The following TENM4 variants were observed in gnomAD, a reference collection of about 807,000 sequenced individuals.
TENM4 encodes teneurin transmembrane protein 4.
In TENM4, 82 loss-of-function variants were observed where a neutral mutation model predicts 243.3. The observed-to-expected ratio is 0.34, with a 90% CI of 0.28 to 0.40. The LOEUF (loss-of-function observed/expected upper bound fraction) is 0.40. Among genes scored for constraint, TENM4 ranks in the 10% least tolerant of loss-of-function variants. The pLI is 1.00. For missense variants in TENM4, 3,138 were observed against 3,673.3 expected (o/e 0.85, Z 3.77); for synonymous variants, 1,412 against 1,456.3 (o/e 0.97, Z 0.69).
chr11:78,688,363 A>G, intron 28 of TENM4, 137 bp from the exon 29 acceptor site: 2 of 955,394 alleles, frequency 2.1e-6, no homozygotes, highest in Non-Finnish European at 1.6e-6. Flanking sequence ...TGTCTCCCAC[A>G]TATCTTGCAC....
In TENM4 at chr11:79,246,050, C is replaced by T. The variant is rs372802227; in HGVS notation, c.-264-30141G>A. ...AAAAGAGAGAGAGAAAGACAAACAG[C>T]GCAAGTGGTAACGTCCTCATATAAT... On this transcript the variant is annotated intron_variant, in intron 2 of 33. Coordinates refer to ENST00000278550, the MANE Select transcript of TENM4 (RefSeq NM_001098816.3). Among the ~76,000 whole-genome samples, 760 of 151,036 alleles carry T rather than the reference C, an allele frequency of 5.0e-3. 8 individuals are homozygous for T. The highest frequency in any genetic ancestry group is 0.023 in the South Asian group (112 of 4,780).
intron 6 of TENM4, among the ~76,000 whole-genome samples, chr11:78,995,335 G>A (rs1051611180): frequency 6.6e-6 from 1 of 152,136 alleles, no homozygotes; most frequent in Non-Finnish European, 1.5e-5. Context: ...TGAGGGCAAT[G>A]GGGGAGCCAT....
chr11:79,098,267 G>T (rs1435195959), intron 4 of TENM4, among the ~76,000 whole-genome samples: 2 of 136,130 alleles, frequency 1.5e-5, no homozygotes, highest in Non-Finnish European at 3.0e-5. Context: ...TTCACAGTTT[G>T]ATCACATCAC....
chr11:78,895,005 A>AAAAAAAAAG (rs1555098074), intron 7 of TENM4, among the ~76,000 whole-genome samples: 2 of 118,016 alleles, frequency 1.7e-5, no homozygotes, highest in East Asian at 2.8e-4. Flanking sequence ...AAAAAAAAAA[A>AAAAAAAAAG]AAGAAGACAA....
chr11:79,023,131 T>G (rs2136814413), intron 6 of TENM4, among the ~76,000 whole-genome samples: 1 of 152,356 alleles, frequency 6.6e-6, no homozygotes, highest in East Asian at 1.9e-4. Flanking sequence ...AATTTATTCA[T>G]CTATTGAATG....
At chr11:78,812,784 T>G (rs540201598) in intron 13 of TENM4, among the ~76,000 whole-genome samples, 2 of 152,292 alleles carry the variant, frequency 1.3e-5, no homozygotes, top group Non-Finnish European at 2.9e-5. Context: ...CAGCTTCCCT[T>G]GCCTTTCAGT....
In TENM4 at chr11:78,658,653, A is replaced by C. The variant is rs1275314829; in HGVS notation, c.7715T>G (p.Phe2572Cys). ...GGTCACTCGGCCATCCTTCAAGGCAAACTTGACCCCCTTGCCAAAGACTGA... is the reference window on the plus strand; with the variant it reads ...GGTCACTCGGCCATCCTTCAAGGCACACTTGACCCCCTTGCCAAAGACTGA... ...SGSVFGKGVK[F>C]ALKDGRVTTD... Residue 2572 changes from phenylalanine (F) to cysteine (C), a missense_variant, in exon 34 of 34, where the codon TTT (phenylalanine) becomes TGT (cysteine). By Grantham distance (205) the Phe-to-Cys change is radical. Around this residue, in one of 2 missense-constraint regions of TENM4, gnomAD observed 2,467 missense variants for 3,059.1 expected, o/e 0.81. Transcript: ENST00000278550. The C allele has an allele frequency of 8.1e-6, 13 of 1,614,012 alleles. No individual in the cohort carries two copies. The highest frequency in any genetic ancestry group is 1.1e-5 in the Non-Finnish European group (13 of 1,179,890).
At chr11:79,192,493 T>C (rs1477824873) in intron 3 of TENM4, among the ~76,000 whole-genome samples, 1 of 152,190 alleles carries the variant, frequency 6.6e-6, no homozygotes. Context: ...CTCTGAAACA[T>C]GTGCTGTGTC....
chr11:79,217,191 G>A lies in TENM4; in HGVS notation c.-264-1282C>T, dbSNP rs148823800. Among the ~76,000 whole-genome samples the A allele has an allele frequency of 2.0e-3, 301 of 152,286 alleles. 1 individual carries two copies. The highest frequency in any genetic ancestry group is 3.8e-3 in the Non-Finnish European group (258 of 68,022). On this transcript the variant is annotated intron_variant, in intron 2 of 33. Transcript: ENST00000278550. Reference sequence around the variant, plus strand: ...AAATTCTACCCTACTCAAAAGAAGGGTAAGGGGGAGGTGCTAAGGTTTTAG... The same window carrying A: ...AAATTCTACCCTACTCAAAAGAAGGATAAGGGGGAGGTGCTAAGGTTTTAG...
At chr11:78,915,626 C>T (rs1227944773) in intron 6 of TENM4, among the ~76,000 whole-genome samples, 1 of 151,954 alleles carries the variant, frequency 6.6e-6, no homozygotes, top group Non-Finnish European at 1.5e-5. Context: ...TTTTTATCCA[C>T]AGTTGGAGAT....
At chr11:78,976,148 C>T (rs140450133) in intron 6 of TENM4, among the ~76,000 whole-genome samples, 23 of 152,182 alleles carry the variant, frequency 1.5e-4, no homozygotes, top group African/African-American at 4.3e-4. Context: ...GGGAAGAGGA[C>T]AATAATGTTC....
At chr11:79,378,699 C>T (rs112313239) in intron 1 of TENM4, among the ~76,000 whole-genome samples, 2 of 151,974 alleles carry the variant, frequency 1.3e-5, no homozygotes, top group African/African-American at 2.4e-5. Context: ...CCTCAGCAGC[C>T]TCACCTGTAA....
chr11:79,407,477 A>G (rs1265250771), intron 1 of TENM4, among the ~76,000 whole-genome samples: 1 of 152,232 alleles, frequency 6.6e-6, no homozygotes, highest in African/African-American at 2.4e-5. Flanking sequence ...TACTCACAAG[A>G]ATCCTGCTCA....
At chr11:79,122,706 T>A (rs1861767765) in intron 4 of TENM4, among the ~76,000 whole-genome samples, 1 of 152,116 alleles carries the variant, frequency 6.6e-6, no homozygotes, top group South Asian at 2.1e-4. Context: ...CATGATCAGA[T>A]CCAACAAGAT....
chr11:79,277,385 A>C (rs145366436), intron 2 of TENM4, among the ~76,000 whole-genome samples: 29 of 152,338 alleles, frequency 1.9e-4, no homozygotes, highest in African/African-American at 6.5e-4. Flanking sequence ...TCTTTACAAT[A>C]ACTCTATGAG....
intron 1 of TENM4, among the ~76,000 whole-genome samples, chr11:79,306,903 A>G (rs1470461564): frequency 6.6e-6 from 1 of 152,052 alleles, no homozygotes; most frequent in African/African-American, 2.4e-5. Context: ...AACAGCCAAG[A>G]AAACCTAGAC....
intron 12 of TENM4, among the ~76,000 whole-genome samples, chr11:78,823,299 C>G (rs759580094): frequency 1.5e-4 from 23 of 152,354 alleles, no homozygotes; most frequent in Non-Finnish European, 2.6e-4. Flanking sequence ...GAGACAACAC[C>G]TCGCCCCGTT....
intron 3 of TENM4, among the ~76,000 whole-genome samples, chr11:79,167,174 C>T (rs1386335551): frequency 3.9e-5 from 6 of 152,332 alleles, no homozygotes; most frequent in African/African-American, 1.4e-4. Flanking sequence ...TTGAACTCTT[C>T]CATACTTAGC....
intron 14 of TENM4, 70 bp downstream of exon 14, chr11:78,812,052 A>T: frequency 1.3e-6 from 2 of 1,488,320 alleles, no homozygotes; most frequent in Admixed American, 4.2e-5. Context: ...CTCCCTGGTC[A>T]CCCTCTTGGC....
Sources: gnomAD v4.1 joint callset for allele counts (sites outside exome capture counted in the v4.1 genomes callset) on GRCh38, gnomAD v4.1.1 for gene constraint, gnomAD v4.1.1 regional missense constraint, MANE v1.5 for transcripts, NCBI Gene and HGNC (gene_info 2026-07-23, HGNC 2026-07-21) for gene names.